The following ADCY2 variants were observed in gnomAD, a reference collection of about 807,000 sequenced individuals.
The protein encoded by ADCY2 is adenylate cyclase type 2.
ADCY2 carries 31 observed loss-of-function variants against 125.2 expected under a neutral mutation model. That is an observed-to-expected ratio of 0.25 (90% CI 0.19 to 0.33). The LOEUF (loss-of-function observed/expected upper bound fraction) is 0.33. Among genes scored for constraint, ADCY2 ranks in the 10% least tolerant of loss-of-function variants. The probability of loss-of-function intolerance (pLI) is 1.00; values close to 1 mark genes in which losing one functional copy is unlikely to be tolerated. For synonymous variants in ADCY2, 512 were observed against 548.4 expected (o/e 0.93, Z 0.93); for missense variants, 904 against 1,418.2 (o/e 0.64, Z 5.82).
chr5:7,618,527 G>A (rs138161685), intron 3 of ADCY2, among the ~76,000 whole-genome samples: 129 of 152,276 alleles, frequency 8.5e-4, no homozygotes, highest in Middle Eastern at 3.4e-3. Flanking sequence ...ACTAAGCTGC[G>A]TAAGTCAGAC....
intron 2 of ADCY2, among the ~76,000 whole-genome samples, chr5:7,501,104 G>T (rs1485624560): frequency 2.0e-5 from 3 of 147,240 alleles, no homozygotes; most frequent in Middle Eastern, 3.5e-3. Context: ...GCAAGTAACA[G>T]CTACAATTTA....
rs745960794 is a variant in ADCY2, at chr5:7,820,554, A to ATGTG, written c.2999-10_2999-7dup. ...GATGAATCTTGCTAACTCAACTCTGATGTGGCACAGGTATTAACCATGGAC... is the reference window on the plus strand; with the variant it reads ...GATGAATCTTGCTAACTCAACTCTGATGTGTGTGGCACAGGTATTAACCATGGAC... On this transcript the variant is annotated splice_polypyrimidine_tract_variant and intron_variant, in intron 23 of 24. Coordinates refer to ENST00000338316, the MANE Select transcript of ADCY2 (RefSeq NM_020546.3). 3.3e-5 allele frequency: 53 copies of ATGTG among 1,613,442 alleles called. No individual in the cohort carries two copies. In the Admixed American group the frequency reaches 7.7e-4, roughly 23 times the overall value.
intron 4 of ADCY2, among the ~76,000 whole-genome samples, chr5:7,657,072 TG>T (rs1455292310): frequency 1.3e-5 from 2 of 152,216 alleles, no homozygotes; most frequent in Non-Finnish European, 2.9e-5. Flanking sequence ...AAGATGTATA[TG>T]CAAAAGTGGA....
At chr5:7,557,194 T>TATATAGATATATATATATATATATAG (rs1561092541) in intron 3 of ADCY2, among the ~76,000 whole-genome samples, 5 of 148,356 alleles carry the variant, frequency 3.4e-5, no homozygotes, top group Non-Finnish European at 4.5e-5. Flanking sequence ...ATATATGTGA[T>TATATAGATATATATATATATATATAG]ATATATAACT....
intron 4 of ADCY2, among the ~76,000 whole-genome samples, chr5:7,666,249 G>T (rs1298450514): frequency 6.6e-6 from 1 of 151,952 alleles, no homozygotes; most frequent in Non-Finnish European, 1.5e-5. Flanking sequence ...TTCCTAGGCT[G>T]CCAGGAGGAA....
At chr5:7,796,962 T>G (rs1023899875) in intron 20 of ADCY2, 3 of 152,190 alleles carry the variant, frequency 2.0e-5, no homozygotes, top group Admixed American at 1.3e-4. Context: ...AGCCAATGCC[T>G]GATCAAAACA....
chr5:7,726,071 C>T (rs1741920645), intron 13 of ADCY2, among the ~76,000 whole-genome samples: 1 of 152,216 alleles, frequency 6.6e-6, no homozygotes, highest in South Asian at 2.1e-4. Flanking sequence ...AGAGATCCCT[C>T]ATGCAGCACT....
intron 21 of ADCY2, among the ~76,000 whole-genome samples, chr5:7,803,420 T>C (rs1270985324): frequency 2.0e-5 from 3 of 152,226 alleles, no homozygotes; most frequent in Non-Finnish European, 2.9e-5. Flanking sequence ...TCAGCGCCAT[T>C]TGAGCCCTGC....
In ADCY2 at chr5:7,509,729, T is replaced by C. The variant is rs571897271; in HGVS notation, c.409-11009T>C. Among the ~76,000 whole-genome samples, 55 of 152,328 alleles carry C rather than the reference T, an allele frequency of 3.6e-4. No individual in the cohort carries two copies. In the South Asian group the frequency reaches 0.01, roughly 28 times the overall value. ...ATAATATAACATTTAAAGAAATATTTTCACATTCTATAGAGTTGATATTCT... is the reference window on the plus strand; with the variant it reads ...ATAATATAACATTTAAAGAAATATTCTCACATTCTATAGAGTTGATATTCT... On this transcript the variant is annotated intron_variant, in intron 2 of 24. Transcript: ENST00000338316.
At chr5:7,636,204 G>T (rs895076294) in intron 4 of ADCY2, among the ~76,000 whole-genome samples, 5 of 152,260 alleles carry the variant, frequency 3.3e-5, no homozygotes, top group Non-Finnish European at 5.9e-5. Flanking sequence ...ATCTGGAGAA[G>T]AGAGGGCGCA....
intron 18 of ADCY2, among the ~76,000 whole-genome samples, chr5:7,780,500 G>A (rs1343286353): frequency 6.6e-6 from 1 of 152,130 alleles, no homozygotes; most frequent in East Asian, 1.9e-4. Flanking sequence ...ATATTGTGTG[G>A]GTAAAGGGGA....
At chr5:7,487,854 A>G (rs1742999133) in intron 2 of ADCY2, among the ~76,000 whole-genome samples, 1 of 152,202 alleles carries the variant, frequency 6.6e-6, no homozygotes, top group South Asian at 2.1e-4. Flanking sequence ...TTTCAGGACC[A>G]AAATATACAT....
At chr5:7,716,250 A>G (rs1044464657) in intron 11 of ADCY2, among the ~76,000 whole-genome samples, 1 of 152,238 alleles carries the variant, frequency 6.6e-6, no homozygotes, top group African/African-American at 2.4e-5. Context: ...GCATTTAAAT[A>G]CATACAATTA....
chr5:7,410,521 G>A (rs1739667097), intron 1 of ADCY2, among the ~76,000 whole-genome samples: 1 of 152,096 alleles, frequency 6.6e-6, no homozygotes, highest in Non-Finnish European at 1.5e-5. Flanking sequence ...GGGATAAAAT[G>A]CTTAGAGTGG....
intron 3 of ADCY2, among the ~76,000 whole-genome samples, chr5:7,571,435 T>G (rs1736063128): frequency 6.6e-6 from 1 of 152,164 alleles, no homozygotes; most frequent in African/African-American, 2.4e-5. Context: ...TCTGTTCTGT[T>G]TGGACCCTCA....
At chr5:7,477,768 G>C (rs1579483476) in intron 2 of ADCY2, among the ~76,000 whole-genome samples, 1 of 152,132 alleles carries the variant, frequency 6.6e-6, no homozygotes, top group Non-Finnish European at 1.5e-5. Context: ...AACCATCTCT[G>C]GGGGAAATTA....
intron 2 of ADCY2, among the ~76,000 whole-genome samples, chr5:7,500,322 G>T (rs1743514787): frequency 6.6e-6 from 1 of 152,188 alleles, no homozygotes; most frequent in South Asian, 2.1e-4. Flanking sequence ...CTGTTTTTAA[G>T]GAAAGAGAGC....
chr5:7,473,848 A>G (rs1240163517), intron 2 of ADCY2, among the ~76,000 whole-genome samples: 2 of 152,210 alleles, frequency 1.3e-5, no homozygotes, highest in African/African-American at 4.8e-5. Context: ...TGTAAACAGG[A>G]ATGTGCTCTT....
intron 11 of ADCY2, 56 bp from the exon 12 acceptor site, chr5:7,717,101 T>G (rs1741614706): frequency 1.6e-6 from 2 of 1,234,838 alleles, no homozygotes; most frequent in South Asian, 2.7e-5. Context: ...AAAAATTGGC[T>G]TAATATTTAT....
Sources: allele counts gnomAD v4.1 joint callset (sites outside exome capture counted in the v4.1 genomes callset), GRCh38; gene constraint gnomAD v4.1.1; transcripts MANE v1.5; gene names NCBI Gene and HGNC (gene_info 2026-07-23, HGNC 2026-07-21).